PTPRA: variants seen among roughly 807,000 people sequenced by gnomAD.
PTPRA encodes protein tyrosine phosphatase receptor type A.
Under a neutral mutation model 104.8 loss-of-function variants are expected in PTPRA, and 25 were observed. The ratio of observed to expected loss-of-function variants is 0.24; its 90% CI spans 0.17 to 0.33. PTPRA has a LOEUF of 0.33. Among genes scored for constraint, PTPRA ranks in the 10% least tolerant of loss-of-function variants. The pLI is 1.00. For synonymous variants in PTPRA, 323 were observed against 368.9 expected (o/e 0.88, Z 1.43); for missense variants, 765 against 1,015.3 (o/e 0.75, Z 3.35).
At chr20:3,010,343 A>G (rs2064101336) in intron 11 of PTPRA, among the ~76,000 whole-genome samples, 1 of 151,264 alleles carries the variant, frequency 6.6e-6, no homozygotes, top group South Asian at 2.1e-4. Flanking sequence ...TAAACACAGC[A>G]TCCAGCCGGG....
chr20:2,941,799 T>C (rs962424924), intron 2 of PTPRA, among the ~76,000 whole-genome samples: 17 of 152,176 alleles, frequency 1.1e-4, no homozygotes, highest in Admixed American at 3.3e-4. Flanking sequence ...CCTGCCCTCC[T>C]TAATGCCTCC....
chr20:2,967,915 G>C (rs2062005202), intron 5 of PTPRA, among the ~76,000 whole-genome samples: 1 of 152,134 alleles, frequency 6.6e-6, no homozygotes, highest in Admixed American at 6.5e-5. Flanking sequence ...TCTCAAAACA[G>C]CTTTCTACAA....
rs572485525 is a variant in PTPRA at position 2,985,374 on chromosome 20, G to A, written c.443-1391G>A. ...TGGTAGCTGGGGGAGGGTAAATGAG[G>A]TCAAGAAGACAAGTCTTTGAGTTGA... On this transcript the variant is annotated intron_variant, in intron 6 of 23. Transcript: ENST00000399903. Among the ~76,000 whole-genome samples the A allele has an allele frequency of 2.0e-5, 3 of 152,314 alleles. No individual in the cohort carries two copies. In the East Asian group the frequency reaches 5.8e-4, roughly 29 times the overall value.
rs373627310 is a variant in PTPRA, at chr20:2,988,403, G to A, written c.667G>A (p.Val223Met). 2.8e-5 allele frequency: 45 copies of A among 1,612,996 alleles called. No homozygotes were observed. The African/African-American group carries it at 3.5e-4, about 12-fold the overall frequency. The change falls in exon 9 of 24, where the codon GTG becomes ATG. Residue 223 changes from valine to methionine, a missense_variant. Physicochemically the swap from Val to Met is conservative, Grantham distance 21. Around this residue, in one of 4 missense-constraint regions of PTPRA, gnomAD observed 245 missense variants for 398.7 expected, o/e 0.61. Coordinates refer to ENST00000399903, the MANE Select transcript of PTPRA (RefSeq NM_001385305.1). ...STNRKYPPLP[V>M]DKLEEEINRR... ...CAACAGGAAATACCCACCCCTGCCC[G>A]TGGACAAGCTGGAAGAGGAAATTAA...
intron 10 of PTPRA, among the ~76,000 whole-genome samples, chr20:3,006,719 C>T (rs759434427): frequency 3.9e-5 from 6 of 152,172 alleles, no homozygotes; most frequent in African/African-American, 7.2e-5. Flanking sequence ...GCTCTACCTC[C>T]TGGGTTCAAG....
intron 3 of PTPRA, among the ~76,000 whole-genome samples, chr20:2,959,567 T>C (rs1441936713): frequency 6.6e-6 from 1 of 152,192 alleles, no homozygotes; most frequent in Non-Finnish European, 1.5e-5. Context: ...AAATAGACTT[T>C]TTTTTTCTTA....
At chr20:2,888,950 C>T (rs1051087343) in intron 1 of PTPRA, among the ~76,000 whole-genome samples, 1 of 152,076 alleles carries the variant, frequency 6.6e-6, no homozygotes, top group Admixed American at 6.6e-5. Context: ...TTCGGTTTCC[C>T]CAATGTTAGT....
intron 11 of PTPRA, 28 bp from the exon 12 acceptor site, chr20:3,015,821 T>C: frequency 6.5e-7 from 1 of 1,526,992 alleles, no homozygotes; most frequent in Non-Finnish European, 9.0e-7. Flanking sequence ...GTTTTCTCTT[T>C]CTTTTTCTTT....
chr20:2,876,394 A>G (rs776408249), intron 1 of PTPRA, among the ~76,000 whole-genome samples: 2 of 152,142 alleles, frequency 1.3e-5, no homozygotes, highest in Non-Finnish European at 2.9e-5. Flanking sequence ...TTCCATAGAC[A>G]CTGTTGCTTT....
intron 9 of PTPRA, among the ~76,000 whole-genome samples, chr20:2,989,362 G>A (rs1424552331): frequency 6.6e-6 from 1 of 152,202 alleles, no homozygotes; most frequent in African/African-American, 2.4e-5. Context: ...GAACCCAGGA[G>A]GCGGAGGTTG....
At chr20:3,036,021 C>CCAAAAGTGT in intron 22 of PTPRA, 80 bp downstream of exon 22, 1 of 1,593,756 alleles carries the variant, frequency 6.3e-7, no homozygotes, top group Admixed American at 1.7e-5. Flanking sequence ...ATGGGTCAGA[C>CCAAAAGTGT]TGAAGAAAGC....
intron 2 of PTPRA, among the ~76,000 whole-genome samples, chr20:2,935,545 G>A (rs2060663894): frequency 6.6e-6 from 1 of 152,098 alleles, no homozygotes. Flanking sequence ...GAATCATATA[G>A]TAGTTCTATT....
chr20:2,914,134 A>G (rs6132989), intron 1 of PTPRA, among the ~76,000 whole-genome samples: 2,358 of 152,306 alleles, frequency 0.015, 124 homozygotes, highest in Admixed American at 0.09. Context: ...AACCCTGTCA[A>G]GCTGGCTTCT....
chr20:2,982,722 A>C (rs1484047505), intron 6 of PTPRA, among the ~76,000 whole-genome samples: 1 of 151,210 alleles, frequency 6.6e-6, no homozygotes. Flanking sequence ...TTTGAGACAG[A>C]GTCTCGCTCT....
At chr20:2,970,175 T>G (rs2062126329) in intron 5 of PTPRA, among the ~76,000 whole-genome samples, 1 of 152,204 alleles carries the variant, frequency 6.6e-6, no homozygotes, top group Non-Finnish European at 1.5e-5. Context: ...TCCCCATCAG[T>G]GGACACTAAG....
intron 3 of PTPRA, among the ~76,000 whole-genome samples, chr20:2,948,662 T>TAA (rs1043389175): frequency 6.6e-6 from 1 of 152,116 alleles, no homozygotes; most frequent in African/African-American, 2.4e-5. Context: ...CTTAATACTT[T>TAA]AAAAAACCAC....
chr20:3,023,318 C>G (rs778593334), intron 16 of PTPRA, among the ~76,000 whole-genome samples: 1 of 152,094 alleles, frequency 6.6e-6, no homozygotes, highest in Non-Finnish European at 1.5e-5. Flanking sequence ...GATATGCCCT[C>G]GTGGGAAGGG....
At chr20:2,907,812 G>GT (rs918416952) in intron 1 of PTPRA, among the ~76,000 whole-genome samples, 75 of 147,322 alleles carry the variant, frequency 5.1e-4, no homozygotes, top group Middle Eastern at 3.5e-3. Context: ...AATTGCCTTG[G>GT]TTTTTTTTTT....
In PTPRA at chr20:2,988,375, C is replaced by T. The variant is rs140121972; in HGVS notation, c.639C>T (p.Ser213=). 9 of 1,610,578 alleles carry T rather than the reference C, an allele frequency of 5.6e-6. No individual in the cohort carries two copies. The African/African-American group carries it at 9.4e-5, about 17-fold the overall frequency. ...QSVPLLARSP[S]TNRKYPPLPV... ...TGCCACTTCTGGCCAGATCCCCAAG[C>T]ACCAACAGGAAATACCCACCCCTGC... Residue 213 remains serine, a synonymous_variant, in exon 9 of 24, where the codon AGC becomes AGT. Transcript: ENST00000399903.
Sources: gnomAD v4.1 joint callset for allele counts (sites outside exome capture counted in the v4.1 genomes callset) on GRCh38, gnomAD v4.1.1 for gene constraint, gnomAD v4.1.1 regional missense constraint, MANE v1.5 for transcripts, NCBI Gene and HGNC (gene_info 2026-07-23, HGNC 2026-07-21) for gene names.